Variants in LDB3 observed in about 807,000 individuals in gnomAD.
LDB3 encodes LIM domain-binding protein 3.
LDB3 carries 49 observed loss-of-function variants against 69.0 expected under a neutral mutation model. The observed-to-expected ratio is 0.71, with a 90% CI of 0.56 to 0.90. The LOEUF (loss-of-function observed/expected upper bound fraction) is 0.90. Among genes scored for constraint, LDB3 ranks in the 40% least tolerant of loss-of-function variants. LDB3 has a pLI of 0.00. For synonymous variants in LDB3, 387 were observed against 396.2 expected (o/e 0.98, Z 0.28); for missense variants, 928 against 974.1 (o/e 0.95, Z 0.63).
chr10:86,727,813 C>T (rs550129753), intron 13 of LDB3, among the ~76,000 whole-genome samples: 1 of 151,022 alleles, frequency 6.6e-6, no homozygotes, highest in South Asian at 2.1e-4. Flanking sequence ...CTGAGTGTGT[C>T]TGTCTCTGTG....
At position 86,699,981 on chromosome 10, in the gene LDB3, TC is replaced by T; in HGVS notation, c.897-6548del. On this transcript the variant is annotated intron_variant, in intron 7 of 13. Transcript: ENST00000361373. This position sits in a 1 kb window ranked among gnomAD's most constrained non-coding sequence, Gnocchi z 4.9. ...TCCTTTCTGTACCGTGTGTGCTGGC[TC>T]CATAGTTCTCTCTTCTGTACATATA... The T allele has an allele frequency of 2.0e-6, 2 of 993,176 alleles. No individual in the cohort carries two copies. Among genetic ancestry groups the T allele is most frequent in the Non-Finnish European group, 2.4e-6 (2 of 834,076 alleles). 61.5% of individuals were successfully genotyped at this position (993,176 alleles called of 1,614,324 possible). A position where few individuals can be genotyped will look rare whatever the true frequency, so the allele number is the denominator to read the frequency against.
intron 2 of LDB3, among the ~76,000 whole-genome samples, chr10:86,675,651 T>A (rs1432198058): frequency 1.3e-5 from 2 of 152,204 alleles, no homozygotes; most frequent in African/African-American, 4.8e-5. Context: ...AAATTCGCCC[T>A]GGAAAGAAGT....
chr10:86,706,352 G>A (rs1321671130), intron 7 of LDB3, among the ~76,000 whole-genome samples, 179 bp from the exon 8 acceptor site: 4 of 152,186 alleles, frequency 2.6e-5, no homozygotes, highest in African/African-American at 9.7e-5. Context: ...CTGGGATCCT[G>A]GAGGAGCTCC....
In LDB3 at chr10:86,718,102, C is replaced by A. The variant is rs1057522289; in HGVS notation, c.1815C>A (p.Phe605Leu). The part of the protein sequence containing the change: ...NVYCERCYEQ[F>L]FAPLCAKCNT... ...ACTGTGAGCGATGTTATGAGCAATT[C>A]TTTGCCCCGCTGTGTGCCAAGTGCA... The change falls in exon 11 of 14, where the codon TTC (phenylalanine) becomes TTA (leucine). Residue 605 changes from phenylalanine to leucine, a missense_variant. Physicochemically the swap from Phe to Leu is conservative, Grantham distance 22 (BLOSUM62 0). Transcript: ENST00000361373. The A allele has an allele frequency of 2.5e-6, 4 of 1,614,154 alleles. No homozygotes were observed. The highest frequency in any genetic ancestry group is 2.5e-6 in the Non-Finnish European group (3 of 1,180,038).
At position 86,699,925 on chromosome 10, in the gene LDB3, C is replaced by T. The variant is rs1256840831; in HGVS notation, c.897-6606C>T. 12 of 1,004,460 alleles carry T rather than the reference C, an allele frequency of 1.2e-5. No homozygotes were observed. The African/African-American group carries it at 1.2e-4, about 10-fold the overall frequency. The allele number at this position is 1,004,460 out of a possible 1,614,324, so 62.2% of individuals were successfully genotyped here. ...CCAGGGTAATGAGGCAGAGACCCCT[C>T]CTGGCAGTGGTGAGGTGGGGGCATG... On this transcript the variant is annotated intron_variant, in intron 7 of 13. Coordinates refer to ENST00000361373, the MANE Select transcript of LDB3 (RefSeq NM_007078.3). This position sits in a 1 kb window ranked among gnomAD's most constrained non-coding sequence, Gnocchi z 4.9.
chr10:86,675,366 C>G (rs1286003604), intron 2 of LDB3, among the ~76,000 whole-genome samples: 1 of 152,188 alleles, frequency 6.6e-6, no homozygotes, highest in Non-Finnish European at 1.5e-5. Flanking sequence ...CTGATCTGGC[C>G]CCAGCCTCTC....
Position 86,681,624 on chromosome 10 carries a change from C to T in LDB3, c.510C>T (p.Ala170=), listed in dbSNP as rs1465026943. ...GCCCTCCGCGGGCCAGCCTGAGGGC[C>T]AAGACCAGCCCAGAGGGGGCCCGGG... ...DPGPPRASLR[A]KTSPEGARDL... Residue 170 remains alanine (A), a synonymous_variant, in exon 5 of 14, where the codon GCC becomes GCT. Coordinates refer to ENST00000361373, the MANE Select transcript of LDB3 (RefSeq NM_007078.3). 2.5e-6 allele frequency: 4 copies of T among 1,613,142 alleles called. No individual in the cohort carries two copies. The highest frequency in any genetic ancestry group is 3.4e-6 in the Non-Finnish European group (4 of 1,179,806).
intron 2 of LDB3, among the ~76,000 whole-genome samples, chr10:86,674,385 C>T (rs2132341126): frequency 6.6e-6 from 1 of 152,334 alleles, no homozygotes; most frequent in African/African-American, 2.4e-5. Flanking sequence ...CCCCCAGCCC[C>T]CAGCACTCAC....
rs752050928 is a variant in LDB3 at position 86,699,395 on chromosome 10, C to G, written c.896+6824C>G. ...GCTAAAAGGCTGCCTGGAATCCCCC[C>G]ACCCCAACAGGCTGGACTCCCTCCA... On this transcript the variant is annotated intron_variant, in intron 7 of 13. Coordinates refer to ENST00000361373, the MANE Select transcript of LDB3 (RefSeq NM_007078.3). The surrounding 1 kb of genome is among the most constrained non-coding windows in gnomAD (Gnocchi z 4.9). 17 of 1,613,436 alleles carry G rather than the reference C, an allele frequency of 1.1e-5. No individual in the cohort carries two copies. Among genetic ancestry groups the G allele is most frequent in the Non-Finnish European group, 1.4e-5 (17 of 1,179,782 alleles).
chr10:86,699,477 T>C lies in LDB3; in HGVS notation c.896+6906T>C. The C allele has an allele frequency of 6.3e-7, 1 of 1,583,590 alleles. No individual in the cohort carries two copies. Among genetic ancestry groups the C allele is most frequent in the Non-Finnish European group, 8.6e-7 (1 of 1,167,436 alleles). ...CCCCACGGTGATGCTTGACAATGTATAACTCTGCTGGGGGCACCTCTGATG... is the reference window on the plus strand; with the variant it reads ...CCCCACGGTGATGCTTGACAATGTACAACTCTGCTGGGGGCACCTCTGATG... On this transcript the variant is annotated intron_variant, in intron 7 of 13. Coordinates refer to ENST00000361373, the MANE Select transcript of LDB3 (RefSeq NM_007078.3). The surrounding 1 kb of genome is among the most constrained non-coding windows in gnomAD (Gnocchi z 4.9).
intron 3 of LDB3, among the ~76,000 whole-genome samples, chr10:86,679,775 T>C (rs565775316): frequency 3.9e-5 from 6 of 152,322 alleles, no homozygotes; most frequent in Admixed American, 1.3e-4. Context: ...ACGTGGGCCA[T>C]TGGTCCTGGA....
At chr10:86,667,385 C>G (rs1459410919), upstream of LDB3, among the ~76,000 whole-genome samples, 1 of 152,124 alleles carries the variant, frequency 6.6e-6, no homozygotes, top group African/African-American at 2.4e-5. Flanking sequence ...CCAGGGTGGG[C>G]CTTGATCTAT....
At chr10:86,726,378 C>T (rs1297346250) in intron 13 of LDB3, 126 bp downstream of exon 13, 1 of 738,658 alleles carries the variant, frequency 1.4e-6, no homozygotes, top group Non-Finnish European at 2.4e-6. Context: ...TTTTTAAAAG[C>T]TGGCAAACAC....
At chr10:86,716,865 G>C in intron 10 of LDB3, 94 bp downstream of exon 10, 2 of 1,365,674 alleles carry the variant, frequency 1.5e-6, no homozygotes, top group Non-Finnish European at 2.0e-6. Flanking sequence ...GAGAGATGGG[G>C]GTAGGAGGCA....
chr10:86,681,409 T>C, intron 4 of LDB3, 27 bp from the exon 5 acceptor site: 1 of 1,598,978 alleles, frequency 6.3e-7, no homozygotes, highest in Non-Finnish European at 8.5e-7. Context: ...CTCTTCTCTC[T>C]CCCCTGCATG....
At chr10:86,692,391 T>C (rs1382161918) in intron 6 of LDB3, 144 bp from the exon 7 acceptor site, 3 of 878,512 alleles carry the variant, frequency 3.4e-6, no homozygotes, top group Non-Finnish European at 5.8e-6. Context: ...CTGGGGCCTC[T>C]GCCCAGCACA....
intron 9 of LDB3, among the ~76,000 whole-genome samples, chr10:86,711,687 G>A (rs1846673964): frequency 6.6e-6 from 1 of 151,590 alleles, no homozygotes; most frequent in Non-Finnish European, 1.5e-5. Flanking sequence ...GCCGAGGGCG[G>A]CGTTCGCAGG....
intron 9 of LDB3, among the ~76,000 whole-genome samples, chr10:86,714,319 C>T (rs1314544371): frequency 1.3e-5 from 2 of 152,106 alleles, no homozygotes; most frequent in Non-Finnish European, 1.5e-5. Flanking sequence ...AATGACTCCT[C>T]CCTGACATGT....
At chr10:86,720,158 G>A (rs994788833) in intron 12 of LDB3, among the ~76,000 whole-genome samples, 1 of 152,138 alleles carries the variant, frequency 6.6e-6, no homozygotes, top group Non-Finnish European at 1.5e-5. Context: ...GAAAATAAAC[G>A]TTTTGGCTGG....
Sources: gnomAD v4.1 joint callset for allele counts (sites outside exome capture counted in the v4.1 genomes callset) on GRCh38, gnomAD v4.1.1 for gene constraint, Gnocchi (gnomAD v3.1) non-coding constraint, MANE v1.5 for transcripts, NCBI Gene and HGNC (gene_info 2026-07-23, HGNC 2026-07-21) for gene names.